ZHX2: variants seen among roughly 807,000 people sequenced by gnomAD.
ZHX2 encodes zinc fingers and homeoboxes protein 2.
ZHX2 carries 6 observed loss-of-function variants against 21.9 expected under a neutral mutation model. The observed-to-expected ratio is 0.27, with a 90% CI of 0.15 to 0.54. The LOEUF (loss-of-function observed/expected upper bound fraction) is 0.54. Ranked by LOEUF, ZHX2 falls within the 20% of genes least tolerant of loss-of-function variation. The pLI, the probability that ZHX2 is intolerant of heterozygous loss-of-function variation, is 0.95. For missense variants in ZHX2, 908 were observed against 1,090.7 expected, an observed-to-expected ratio of 0.83 and a Z score of 2.36; for synonymous variants, 434 against 437.1, an observed-to-expected ratio of 0.99 and a Z score of 0.09.
intron 2 of ZHX2, among the ~76,000 whole-genome samples, chr8:122,937,902 T>C (rs912995774): frequency 1.8e-4 from 27 of 146,534 alleles, no homozygotes; most frequent in African/African-American, 6.8e-4. Flanking sequence ...TTTTTTTTAT[T>C]CATGTATTAT....
At chr8:122,890,440 G>A (rs971792519) in intron 2 of ZHX2, among the ~76,000 whole-genome samples, 5 of 151,990 alleles carry the variant, frequency 3.3e-5, no homozygotes, top group African/African-American at 1.2e-4. Context: ...TTTGCTACAT[G>A]GGGTCTTTTG....
rs113349996 is a variant in ZHX2, at chr8:122,809,414, C to T, written c.-283+27468C>T. Reference sequence around the variant, plus strand: ...ACTGGGGAGGCTGAGGCAGGAGAGTCGCTTGAACCTGGGAGGCGGAGGTTG... The same window carrying T: ...ACTGGGGAGGCTGAGGCAGGAGAGTTGCTTGAACCTGGGAGGCGGAGGTTG... On this transcript the variant is annotated intron_variant, in intron 1 of 3. Coordinates refer to ENST00000314393, the MANE Select transcript of ZHX2 (RefSeq NM_014943.5). Among the ~76,000 whole-genome samples the T allele has an allele frequency of 1.1e-3, 161 of 152,060 alleles. 1 individual carries two copies. Among genetic ancestry groups the T allele is most frequent in the African/African-American group, 3.5e-3 (146 of 41,506 alleles).
chr8:122,820,404 G>A (rs919331907), intron 1 of ZHX2, among the ~76,000 whole-genome samples: 3 of 152,178 alleles, frequency 2.0e-5, no homozygotes, highest in East Asian at 1.9e-4. Context: ...TCTGGCAGGC[G>A]GCCTGGAAAA....
At chr8:122,809,897 CTA>C (rs896781989) in intron 1 of ZHX2, among the ~76,000 whole-genome samples, 1 of 151,962 alleles carries the variant, frequency 6.6e-6, no homozygotes, top group African/African-American at 2.4e-5. Flanking sequence ...AGAGAGGTCT[CTA>C]TGAGTTTTCA....
chr8:122,953,475 C>T lies in ZHX2; in HGVS notation c.1965C>T (p.Pro655=). The change falls in exon 3 of 4, where the codon CCC becomes CCT. Residue 655 remains proline, a synonymous_variant. Transcript: ENST00000314393. This position sits in a 1 kb window ranked among gnomAD's most constrained non-coding sequence, Gnocchi z 4.6. ...STFARTQWPT[P]QEYDQLAAKT... The stretch of plus-strand genomic sequence containing the variant: ...TTGCAAGAACCCAGTGGCCTACTCC[C>T]CAGGAGTACGACCAGTTAGCGGCCA... 2 of 1,614,194 alleles carry T rather than the reference C, an allele frequency of 1.2e-6. No homozygotes were observed. Among genetic ancestry groups the T allele is most frequent in the Admixed American group, 1.7e-5 (1 of 60,030 alleles).
intron 1 of ZHX2, among the ~76,000 whole-genome samples, chr8:122,814,848 G>A (rs1817999278): frequency 6.6e-6 from 1 of 151,812 alleles, no homozygotes; most frequent in Admixed American, 6.6e-5. Flanking sequence ...CTGGTCCCTG[G>A]CATCGGTTTG....
At chr8:122,863,814 C>G (rs1344811762) in intron 2 of ZHX2, among the ~76,000 whole-genome samples, 1 of 152,110 alleles carries the variant, frequency 6.6e-6, no homozygotes, top group Non-Finnish European at 1.5e-5. Flanking sequence ...ACTCACCATC[C>G]AGAGGGCATG....
chr8:122,938,086 C>G (rs909038574), intron 2 of ZHX2, among the ~76,000 whole-genome samples: 4 of 151,900 alleles, frequency 2.6e-5, no homozygotes, highest in African/African-American at 9.7e-5. Flanking sequence ...CAGGTGTGTG[C>G]CACCATGTCC....
chr8:122,814,794 G>T (rs1430502580), intron 1 of ZHX2, among the ~76,000 whole-genome samples: 1 of 152,202 alleles, frequency 6.6e-6, no homozygotes, highest in Non-Finnish European at 1.5e-5. Context: ...GTTAGCATTA[G>T]TTGGGGTACC....
At chr8:122,860,077 C>A (rs778349623) in intron 1 of ZHX2, among the ~76,000 whole-genome samples, 3 of 152,130 alleles carry the variant, frequency 2.0e-5, no homozygotes, top group Non-Finnish European at 4.4e-5. Context: ...GCTGGGGAGG[C>A]CTCAGGAAAT....
In ZHX2 at chr8:122,952,198, G is replaced by A. The variant is rs373301078; in HGVS notation, c.688G>A (p.Gly230Ser). The A allele has an allele frequency of 1.8e-5, 29 of 1,612,838 alleles. No homozygotes were observed. The highest frequency in any genetic ancestry group is 2.3e-5 in the Non-Finnish European group (27 of 1,179,874). ...CACAGCTGAGATCCTCTCGAGACTC[G>A]GCGGGGTGGAGCTCCTCCAAGACAC... ...TDTAEILSRL[G>S]GVELLQDTLG... The change falls in exon 3 of 4, where the codon GGC becomes AGC. Residue 230 changes from glycine (G) to serine (S), a missense_variant. This residue lies in a region of ZHX2 where 220 missense variants were observed against 251.4 expected (regional missense o/e 0.88). Coordinates refer to ENST00000314393, the MANE Select transcript of ZHX2 (RefSeq NM_014943.5). This position sits in a 1 kb window ranked among gnomAD's most constrained non-coding sequence, Gnocchi z 6.9.
chr8:122,854,784 C>T (rs1818989886), intron 1 of ZHX2, among the ~76,000 whole-genome samples: 1 of 152,152 alleles, frequency 6.6e-6, no homozygotes, highest in Admixed American at 6.5e-5. Flanking sequence ...CCAAGGCACC[C>T]CATAAGAGAC....
At chr8:122,933,908 C>A (rs753388813) in intron 2 of ZHX2, among the ~76,000 whole-genome samples, 1 of 152,174 alleles carries the variant, frequency 6.6e-6, no homozygotes, top group African/African-American at 2.4e-5. Context: ...CAATGGCCCA[C>A]GTCTGTAATC....
Position 122,909,218 on chromosome 8 carries a change from G to A in ZHX2, c.-219-42074G>A, listed in dbSNP as rs148239575. ...GATCGAGGTGGGTGGATCACTTGAG[G>A]TCAGGAGTTCAAGACCAGCTTGGCC... On this transcript the variant is annotated intron_variant, in intron 2 of 3. Coordinates refer to ENST00000314393, the MANE Select transcript of ZHX2 (RefSeq NM_014943.5). Among the ~76,000 whole-genome samples, 611 of 152,206 alleles carry A rather than the reference G, an allele frequency of 4.0e-3. 3 individuals carry two copies. Among genetic ancestry groups the A allele is most frequent in the African/African-American group, 0.014 (562 of 41,514 alleles).
chr8:122,883,489 T>C (rs1563767216), intron 2 of ZHX2, among the ~76,000 whole-genome samples: 1 of 152,188 alleles, frequency 6.6e-6, no homozygotes, highest in African/African-American at 2.4e-5. Context: ...ATGGGATTCT[T>C]TGGAGTGGCA....
chr8:122,847,279 A>C (rs1818772900), intron 1 of ZHX2, among the ~76,000 whole-genome samples: 1 of 152,120 alleles, frequency 6.6e-6, no homozygotes, highest in Non-Finnish European at 1.5e-5. Context: ...TTCTCCCGTC[A>C]AGTCTGCCTC....
At chr8:122,904,824 A>G (rs1313155457) in intron 2 of ZHX2, among the ~76,000 whole-genome samples, 4 of 152,244 alleles carry the variant, frequency 2.6e-5, no homozygotes, top group Non-Finnish European at 5.9e-5. Flanking sequence ...ACAATAGATG[A>G]TAAAACTGAG....
chr8:122,886,121 T>A (rs1819836711), intron 2 of ZHX2, among the ~76,000 whole-genome samples: 1 of 152,158 alleles, frequency 6.6e-6, no homozygotes, highest in Non-Finnish European at 1.5e-5. Context: ...CTGTGATACA[T>A]CCATCCAGTG....
chr8:122,951,403 T>C lies in ZHX2; in HGVS notation c.-108T>C, dbSNP rs1813105392. ...CAGCACACAAGGAAAGCCAAAGCCA[T>C]TTGAGGGGGAATAAAGCCAAAAGCC... On this transcript the variant is annotated 5_prime_UTR_variant, in exon 3 of 4. Transcript: ENST00000314393. 2 of 986,974 alleles carry C rather than the reference T, an allele frequency of 2.0e-6. No individual in the cohort carries two copies. The highest frequency in any genetic ancestry group is 2.6e-5 in the East Asian group (1 of 38,128). 61.1% of individuals were successfully genotyped at this position (986,974 alleles called of 1,614,324 possible). A position where few individuals can be genotyped will look rare whatever the true frequency, so the allele number is the denominator to read the frequency against.
Sources: gnomAD v4.1 joint callset for allele counts (sites outside exome capture counted in the v4.1 genomes callset) on GRCh38, gnomAD v4.1.1 for gene constraint, gnomAD v4.1.1 regional missense constraint, Gnocchi (gnomAD v3.1) non-coding constraint, MANE v1.5 for transcripts, NCBI Gene and HGNC (gene_info 2026-07-23, HGNC 2026-07-21) for gene names.